VPS13D: variants seen among roughly 807,000 people sequenced by gnomAD.
VPS13D encodes vacuolar protein sorting 13 homolog D.
Under a neutral mutation model 461.9 loss-of-function variants are expected in VPS13D, and 187 were observed. That is an observed-to-expected ratio of 0.40 (90% CI 0.36 to 0.46). The LOEUF (loss-of-function observed/expected upper bound fraction) is 0.46, where lower values mean the gene tolerates loss of function less well. Ranked by LOEUF, VPS13D falls within the 20% of genes least tolerant of loss-of-function variation. The pLI, the probability that VPS13D is intolerant of heterozygous loss-of-function variation, is 0.60. For missense variants in VPS13D, 4,711 were observed against 5,364.9 expected, an observed-to-expected ratio of 0.88 and a Z score of 3.81; for synonymous variants, 1,951 against 1,986.3, an observed-to-expected ratio of 0.98 and a Z score of 0.47.
intron 27 of VPS13D, among the ~76,000 whole-genome samples, chr1:12,310,393 A>G (rs763131785): frequency 5.9e-5 from 9 of 152,192 alleles, no homozygotes; most frequent in African/African-American, 2.2e-4. Flanking sequence ...AGCCCTCTCT[A>G]TACTTAGAGC....
At chr1:12,357,587 CAG>C (rs755992490) in intron 49 of VPS13D, among the ~76,000 whole-genome samples, 4 of 152,204 alleles carry the variant, frequency 2.6e-5, no homozygotes, top group Non-Finnish European at 4.4e-5. Context: ...GAAACAGGCT[CAG>C]AGAGATTGCT....
chr1:12,447,967 G>A (rs965827129), intron 65 of VPS13D, among the ~76,000 whole-genome samples: 5 of 152,208 alleles, frequency 3.3e-5, no homozygotes, highest in African/African-American at 9.6e-5. Context: ...GCAAGATTCA[G>A]TGGGGGAGAA....
At chr1:12,461,336 C>T (rs144979017) in intron 67 of VPS13D, among the ~76,000 whole-genome samples, 1 of 152,264 alleles carries the variant, frequency 6.6e-6, no homozygotes, top group African/African-American at 2.4e-5. Flanking sequence ...GAAGTGAATC[C>T]ATTTGTCTGT....
intron 35 of VPS13D, among the ~76,000 whole-genome samples, chr1:12,326,053 T>C (rs943866943): frequency 2.0e-5 from 3 of 151,472 alleles, no homozygotes; most frequent in African/African-American, 7.3e-5. Flanking sequence ...CTAAAAAAAT[T>C]GTATCTGGGT....
chr1:12,476,835 T>C (rs1645636867), intron 67 of VPS13D, among the ~76,000 whole-genome samples: 1 of 152,230 alleles, frequency 6.6e-6, no homozygotes, highest in Admixed American at 6.5e-5. Flanking sequence ...TAAATTAAGA[T>C]TCGGAATGGC....
Position 12,463,641 on chromosome 1 carries a change from G to C in VPS13D, c.12662+3245G>C, listed in dbSNP as rs78562543. Among the ~76,000 whole-genome samples the C allele has an allele frequency of 2.6e-3, 402 of 152,108 alleles. 2 individuals carry two copies. The highest frequency in any genetic ancestry group is 0.014 in the East Asian group (71 of 5,182). ...CGGGTGGTGTGCACCTCTGGTCCTT[G>C]CTACTTGGGAGGCTGAGGTGGGAAG... On this transcript the variant is annotated intron_variant, in intron 67 of 69. Transcript: ENST00000620676.
At chr1:12,413,142 C>T (rs1053993899) in intron 63 of VPS13D, among the ~76,000 whole-genome samples, 9 of 152,158 alleles carry the variant, frequency 5.9e-5, no homozygotes, top group South Asian at 2.1e-4. Flanking sequence ...GATACCATTA[C>T]ACACTGTTCA....
At chr1:12,391,317 A>G (rs1403704173) in intron 60 of VPS13D, among the ~76,000 whole-genome samples, 3 of 152,208 alleles carry the variant, frequency 2.0e-5, no homozygotes, top group Non-Finnish European at 4.4e-5. Context: ...CCATTTGTGA[A>G]CCAGGCTCTA....
Position 12,277,466 on chromosome 1 carries a change from A to G in VPS13D, c.3878A>G (p.Tyr1293Cys), listed in dbSNP as rs754981851. ...FLNLKMASLH[Y>C]NHSAKFLKEL... ...AACCTGAAGATGGCTTCTTTACATT[A>G]TAACCACTCTGCTAAGTTTTTGAAG... The change falls in exon 19 of 70, where the codon TAT becomes TGT. Residue 1293 changes from tyrosine to cysteine, a missense_variant. Transcript: ENST00000620676. 1.9e-6 allele frequency: 3 copies of G among 1,614,074 alleles called. No homozygotes were observed. The highest frequency in any genetic ancestry group is 2.5e-6 in the Non-Finnish European group (3 of 1,180,036).
intron 57 of VPS13D, among the ~76,000 whole-genome samples, chr1:12,381,922 T>TTTTCTTTTTC (rs71570104): frequency 9.9e-6 from 1 of 101,168 alleles, no homozygotes; most frequent in Non-Finnish European, 2.1e-5. Context: ...CTTTCTTTTC[T>TTTTCTTTTTC]TTTCTTTCTT....
chr1:12,488,669 CAAAA>C (rs79424685), intron 67 of VPS13D, among the ~76,000 whole-genome samples: 3 of 82,814 alleles, frequency 3.6e-5, no homozygotes, highest in African/African-American at 4.4e-5. Flanking sequence ...TCATTTGAAC[CAAAA>C]AAAAAAAAAA....
At chr1:12,281,795 T>G (rs1205379705) in intron 20 of VPS13D, among the ~76,000 whole-genome samples, 3 of 152,188 alleles carry the variant, frequency 2.0e-5, no homozygotes, top group Non-Finnish European at 4.4e-5. Flanking sequence ...TACAAAATGG[T>G]CACTTTTTCT....
intron 58 of VPS13D, among the ~76,000 whole-genome samples, chr1:12,383,809 A>G (rs571656683): frequency 1.3e-5 from 2 of 152,334 alleles, no homozygotes; most frequent in Admixed American, 1.3e-4. Context: ...CTTACATTCT[A>G]GTGGGGATGG....
At chr1:12,411,727 G>A (rs980910569) in intron 63 of VPS13D, among the ~76,000 whole-genome samples, 1 of 152,184 alleles carries the variant, frequency 6.6e-6, no homozygotes, top group Admixed American at 6.5e-5. Flanking sequence ...CTCACCAGTG[G>A]TTGTTCATAT....
chr1:12,327,988 T>C lies in VPS13D; in HGVS notation c.8197+134T>C, dbSNP rs377377004. On this transcript the variant is annotated intron_variant, in intron 36 of 69. Coordinates refer to ENST00000620676, the MANE Select transcript of VPS13D (RefSeq NM_015378.4). The stretch of plus-strand genomic sequence containing the variant: ...GAAATTTAGATAATAGTTTTACATA[T>C]GTTTTTCATTATGTATGTTTTAAAG... 3.3e-6 allele frequency: 3 copies of C among 918,314 alleles called. No homozygotes were observed. The African/African-American group carries it at 5.1e-5, about 15-fold the overall frequency. 56.9% of individuals were successfully genotyped at this position (918,314 alleles called of 1,614,324 possible).
intron 65 of VPS13D, among the ~76,000 whole-genome samples, chr1:12,433,602 C>G (rs931735653): frequency 9.2e-5 from 14 of 152,276 alleles, no homozygotes; most frequent in Middle Eastern, 3.2e-3. Flanking sequence ...GGACTTTTGA[C>G]TGCCTTCTGT....
intron 22 of VPS13D, among the ~76,000 whole-genome samples, chr1:12,290,324 A>G (rs1272974859): frequency 6.6e-6 from 1 of 152,134 alleles, no homozygotes; most frequent in Non-Finnish European, 1.5e-5. Flanking sequence ...TTATTCTTTT[A>G]TCCAGAGTAT....
chr1:12,343,004 T>C lies in VPS13D; in HGVS notation c.8838T>C (p.Gly2946=). 6.2e-7 allele frequency: 1 copy of C among 1,613,518 alleles called. No homozygotes were observed. Among genetic ancestry groups the C allele is most frequent in the Non-Finnish European group, 8.5e-7 (1 of 1,179,566 alleles). ...GTGAATGGCGAGAAGTCCTTACAGG[T>C]GAAGAGATTCCCTTTGAATTTGAAG... The part of the protein sequence containing the change: ...NVSEWREVLT[G]EEIPFEFEAR... The change falls in exon 42 of 70, where the codon GGT becomes GGC. Residue 2946 remains glycine (G), a synonymous_variant. Transcript: ENST00000620676.
At chr1:12,336,247 T>C (rs1569940631) in intron 39 of VPS13D, 2 of 172,978 alleles carry the variant, frequency 1.2e-5, no homozygotes, top group South Asian at 1.4e-4. Flanking sequence ...TTTGGACATA[T>C]TCTTGAAAAG....
Sources: gnomAD v4.1 joint callset for allele counts (sites outside exome capture counted in the v4.1 genomes callset) on GRCh38, gnomAD v4.1.1 for gene constraint, MANE v1.5 for transcripts, NCBI Gene and HGNC (gene_info 2026-07-23, HGNC 2026-07-21) for gene names.